The following EYS variants were observed in gnomAD, a reference collection of about 807,000 sequenced individuals.
EYS encodes the protein EGF-like photoreceptor maintenance factor.
In EYS, 250 loss-of-function variants were observed where a neutral mutation model predicts 282.1. That is an observed-to-expected ratio of 0.89 (90% CI 0.80 to 0.98). The LOEUF (loss-of-function observed/expected upper bound fraction) is 0.98, where lower values mean the gene tolerates loss of function less well. EYS is among the 50% of genes least tolerant of loss of function. EYS has a pLI of 0.00. For synonymous variants in EYS, 1,355 were observed against 1,282.9 expected (o/e 1.06, Z -1.20); for missense variants, 4,016 against 3,709.0 (o/e 1.08, Z -2.15).
At chr6:65,246,440 T>C (rs1304783123) in intron 12 of EYS, among the ~76,000 whole-genome samples, 1 of 152,142 alleles carries the variant, frequency 6.6e-6, no homozygotes, top group East Asian at 1.9e-4. Flanking sequence ...TCTTATGGTA[T>C]GCCAGAGGAC....
chr6:63,983,374 T>C (rs1263751778), intron 35 of EYS, among the ~76,000 whole-genome samples: 1 of 151,756 alleles, frequency 6.6e-6, no homozygotes, highest in African/African-American at 2.4e-5. Flanking sequence ...GATTGGTAAA[T>C]ATATCACATT....
chr6:65,058,399 C>T (rs34998663), intron 12 of EYS, among the ~76,000 whole-genome samples: 29,959 of 152,012 alleles, frequency 0.2, 3,414 homozygotes, highest in South Asian at 0.25. Flanking sequence ...GATCCACCCA[C>T]TTTGGCCTCC....
chr6:65,395,288 C>T (rs1024891169), intron 7 of EYS, among the ~76,000 whole-genome samples: 1 of 152,194 alleles, frequency 6.6e-6, no homozygotes, highest in African/African-American at 2.4e-5. Context: ...GTCTTGAACT[C>T]CCAACCTCAG....
At chr6:64,332,469 G>T (rs1770682840) in intron 29 of EYS, among the ~76,000 whole-genome samples, 2 of 152,096 alleles carry the variant, frequency 1.3e-5, no homozygotes, top group Non-Finnish European at 2.9e-5. Context: ...CCACCTTAGG[G>T]CCTTTATCGG....
chr6:65,336,017 C>G (rs916419044), intron 10 of EYS, among the ~76,000 whole-genome samples: 2 of 151,702 alleles, frequency 1.3e-5, no homozygotes, highest in African/African-American at 4.8e-5. Flanking sequence ...CCTTTACTCT[C>G]TCTCCTGCTG....
intron 7 of EYS, among the ~76,000 whole-genome samples, chr6:65,395,655 T>A (rs6902905): frequency 0.011 from 1,620 of 152,278 alleles, 29 homozygotes; most frequent in African/African-American, 0.037. Flanking sequence ...CGTCTTTATT[T>A]TTTTATTGAT....
chr6:64,803,731 G>A (rs372622686), intron 22 of EYS, among the ~76,000 whole-genome samples: 35 of 152,194 alleles, frequency 2.3e-4, no homozygotes, highest in African/African-American at 6.3e-4. Context: ...GGGCCAGGGC[G>A]GCAGAGGGCT....
intron 22 of EYS, among the ~76,000 whole-genome samples, chr6:64,789,288 A>G (rs1325796668): frequency 6.6e-6 from 1 of 152,170 alleles, no homozygotes; most frequent in Non-Finnish European, 1.5e-5. Flanking sequence ...ATCACTTGAG[A>G]CCCTGATTCT....
intron 31 of EYS, among the ~76,000 whole-genome samples, chr6:64,095,499 CATT>C (rs1394574378): frequency 3.9e-5 from 6 of 152,042 alleles, no homozygotes; most frequent in African/African-American, 1.4e-4. Context: ...ATCCCTTTAC[CATT>C]ATGTAATGGC....
intron 26 of EYS, among the ~76,000 whole-genome samples, chr6:64,447,744 T>C (rs1775165001): frequency 6.6e-6 from 1 of 152,218 alleles, no homozygotes; most frequent in Non-Finnish European, 1.5e-5. Context: ...TAGTGGCAGA[T>C]TATATGAAAA....
In EYS at chr6:65,271,386, C is replaced by T. The variant is rs571919865; in HGVS notation, c.2023+24477G>A. On this transcript the variant is annotated intron_variant, in intron 12 of 42. Coordinates refer to ENST00000503581, the MANE Select transcript of EYS (RefSeq NM_001142800.2). ...TAGGGAAGAGGGCAAATTCAACTTT[C>T]CTCCAACTTTTTATTCTATTCAAGC... Among the ~76,000 whole-genome samples, 6 of 151,528 alleles carry T rather than the reference C, an allele frequency of 4.0e-5. No individual in the cohort carries two copies. The South Asian group carries it at 1.2e-3, about 32-fold the overall frequency.
intron 19 of EYS, among the ~76,000 whole-genome samples, chr6:64,877,937 T>C (rs917056219): frequency 2.0e-5 from 3 of 152,108 alleles, no homozygotes; most frequent in African/African-American, 7.2e-5. Context: ...TAAACTTTCC[T>C]TAACAATAAA....
intron 19 of EYS, among the ~76,000 whole-genome samples, chr6:64,823,037 C>G (rs947263595): frequency 6.6e-6 from 1 of 151,866 alleles, no homozygotes; most frequent in African/African-American, 2.4e-5. Context: ...AAAAACAAAG[C>G]ACAAGCTTAA....
At chr6:64,641,474 A>G (rs1163527312) in intron 22 of EYS, among the ~76,000 whole-genome samples, 2 of 152,220 alleles carry the variant, frequency 1.3e-5, no homozygotes, top group Non-Finnish European at 2.9e-5. Context: ...TGCATGGTAC[A>G]GTAAGAAGAC....
intron 22 of EYS, among the ~76,000 whole-genome samples, chr6:64,805,800 TAAAGTACAA>T (rs1465555491): frequency 6.6e-6 from 1 of 151,438 alleles, no homozygotes; most frequent in Non-Finnish European, 1.5e-5. Context: ...TTTGGAGAAC[TAAAGTACAA>T]AAATACATAA....
At chr6:64,394,186 T>C (rs374826598) in intron 28 of EYS, among the ~76,000 whole-genome samples, 9 of 152,048 alleles carry the variant, frequency 5.9e-5, no homozygotes, top group Non-Finnish European at 7.4e-5. Context: ...GAATCAATAT[T>C]GTGAAAATGG....
At chr6:65,699,596 A>C (rs1769583456) in intron 1 of EYS, among the ~76,000 whole-genome samples, 4 of 152,182 alleles carry the variant, frequency 2.6e-5, no homozygotes, top group Non-Finnish European at 5.9e-5. Flanking sequence ...TGTGTAATCT[A>C]TTCATCCTAA....
At chr6:65,148,431 T>C (rs1764531601) in intron 12 of EYS, among the ~76,000 whole-genome samples, 1 of 152,124 alleles carries the variant, frequency 6.6e-6, no homozygotes, top group Non-Finnish European at 1.5e-5. Context: ...TTTGACTCCA[T>C]GTCTCACATC....
At chr6:64,550,387 C>G (rs1398558654) in intron 26 of EYS, among the ~76,000 whole-genome samples, 1 of 152,124 alleles carries the variant, frequency 6.6e-6, no homozygotes, top group African/African-American at 2.4e-5. Flanking sequence ...TCCACATCCT[C>G]TCCAGCACCT....
Sources: gnomAD v4.1 joint callset for allele counts (sites outside exome capture counted in the v4.1 genomes callset) on GRCh38, gnomAD v4.1.1 for gene constraint, MANE v1.5 for transcripts, NCBI Gene and HGNC (gene_info 2026-07-23, HGNC 2026-07-21) for gene names.